Variants in CDH13 observed in about 807,000 individuals in gnomAD.
CDH13 encodes the protein cadherin-13.
A neutral mutation model predicts 63.8 loss-of-function variants in CDH13; 24 were observed. That is an observed-to-expected ratio of 0.38 (90% CI 0.27 to 0.53). The LOEUF (loss-of-function observed/expected upper bound fraction) is 0.53, where lower values mean the gene tolerates loss of function less well. CDH13 is among the 20% of genes least tolerant of loss of function. CDH13 has a pLI of 0.85. For missense variants in CDH13, 1,049 were observed against 903.1 expected (o/e 1.16, Z -2.07); for synonymous variants, 503 against 355.3 (o/e 1.42, Z -4.67).
In CDH13 at chr16:83,510,412, G is replaced by A. The variant is rs566156287; in HGVS notation, c.960+23757G>A. 5.3e-5 allele frequency among the ~76,000 whole-genome samples: 8 copies of A among 152,310 alleles called. No homozygotes were observed. The Middle Eastern group carries it at 0.01, about 194-fold the overall frequency. On this transcript the variant is annotated intron_variant, in intron 7 of 13. Coordinates refer to ENST00000567109, the MANE Select transcript of CDH13 (RefSeq NM_001257.5). ...TCCTTCTGCAGCCCACAAAATGATA[G>A]AGATAGGTGGACTACGTCTAATGGA...
intron 6 of CDH13, among the ~76,000 whole-genome samples, chr16:83,476,352 A>G (rs544049881): frequency 6.6e-6 from 1 of 152,320 alleles, no homozygotes; most frequent in African/African-American, 2.4e-5. Flanking sequence ...CCACTGCTGT[A>G]AAAAGGACTA....
At chr16:83,331,313 T>C (rs560986234) in intron 5 of CDH13, among the ~76,000 whole-genome samples, 11 of 152,332 alleles carry the variant, frequency 7.2e-5, no homozygotes, top group South Asian at 2.1e-4. Context: ...TCAGGTGCAT[T>C]GAGACTCTTT....
intron 1 of CDH13, among the ~76,000 whole-genome samples, chr16:82,782,934 A>C (rs553982945): frequency 1.3e-5 from 2 of 152,126 alleles, no homozygotes; most frequent in African/African-American, 4.8e-5. Flanking sequence ...ACTAGGGGCA[A>C]CTCTACTTCC....
chr16:83,232,757 G>T (rs887260251), intron 5 of CDH13, among the ~76,000 whole-genome samples: 2 of 141,718 alleles, frequency 1.4e-5, no homozygotes, highest in African/African-American at 5.4e-5. Context: ...TTTTATAAAT[G>T]ACCCACTCTC....
At chr16:83,201,030 A>T (rs2039014385) in intron 4 of CDH13, among the ~76,000 whole-genome samples, 1 of 151,204 alleles carries the variant, frequency 6.6e-6, no homozygotes, top group Non-Finnish European at 1.5e-5. Context: ...AGGATACCAG[A>T]ATATCTCTTG....
intron 2 of CDH13, among the ~76,000 whole-genome samples, chr16:82,891,008 A>C (rs888816907): frequency 6.6e-6 from 1 of 151,420 alleles, no homozygotes; most frequent in Non-Finnish European, 1.5e-5. Flanking sequence ...GAAAGGCTAA[A>C]AGACTAGGAC....
In CDH13 at chr16:82,920,289, C is replaced by T. The variant is rs1484434681; in HGVS notation, c.157+61816C>T. Among the ~76,000 whole-genome samples the T allele has an allele frequency of 3.9e-5, 6 of 152,152 alleles. No individual in the cohort carries two copies. In the East Asian group the frequency reaches 1.2e-3, roughly 29 times the overall value. On this transcript the variant is annotated intron_variant, in intron 2 of 13. Coordinates refer to ENST00000567109, the MANE Select transcript of CDH13 (RefSeq NM_001257.5). ...ATGTTTTTATTTTCCCATAAGTTCT[C>T]CCCTCATAATGCAAAGGTAGTTGCC...
intron 1 of CDH13, among the ~76,000 whole-genome samples, chr16:82,759,925 C>A (rs928042353): frequency 1.3e-5 from 2 of 152,048 alleles, no homozygotes; most frequent in Non-Finnish European, 2.9e-5. Flanking sequence ...AAAGGGAAAG[C>A]CTTATATTTA....
intron 1 of CDH13, among the ~76,000 whole-genome samples, chr16:82,810,340 C>G (rs1310435064): frequency 6.6e-6 from 1 of 152,114 alleles, no homozygotes; most frequent in Non-Finnish European, 1.5e-5. Context: ...GCCTGCCGAA[C>G]AGAAGGAGGA....
chr16:83,774,876 C>A (rs1177730988), intron 11 of CDH13, among the ~76,000 whole-genome samples: 1 of 152,058 alleles, frequency 6.6e-6, no homozygotes, highest in Non-Finnish European at 1.5e-5. Flanking sequence ...GTTCCCACAA[C>A]AATTTGAATG....
intron 7 of CDH13, among the ~76,000 whole-genome samples, chr16:83,591,145 A>G (rs548338757): frequency 6.6e-6 from 1 of 151,814 alleles, no homozygotes; most frequent in South Asian, 2.1e-4. Flanking sequence ...TCCTGACTTC[A>G]TGATCCACCT....
chr16:82,940,970 A>C (rs1232709520), intron 2 of CDH13, among the ~76,000 whole-genome samples: 1 of 152,136 alleles, frequency 6.6e-6, no homozygotes, highest in African/African-American at 2.4e-5. Flanking sequence ...CTCATCCCCA[A>C]ATGGAGAAGG....
chr16:82,853,157 C>G (rs548667218), intron 1 of CDH13, among the ~76,000 whole-genome samples: 2 of 152,100 alleles, frequency 1.3e-5, no homozygotes, highest in Non-Finnish European at 2.9e-5. Flanking sequence ...TGCTTGGTGT[C>G]CTACAGAGGT....
At chr16:82,906,663 C>G (rs1355626835) in intron 2 of CDH13, among the ~76,000 whole-genome samples, 2 of 152,168 alleles carry the variant, frequency 1.3e-5, no homozygotes, top group Non-Finnish European at 2.9e-5. Flanking sequence ...CTTAAAACAA[C>G]AGAAATGTGT....
chr16:82,818,780 C>T (rs144808085), intron 1 of CDH13, among the ~76,000 whole-genome samples: 271 of 152,282 alleles, frequency 1.8e-3, no homozygotes, highest in African/African-American at 2.8e-3. Context: ...TCTGTAAAGG[C>T]CTTTCTCTCT....
At chr16:83,352,354 A>G (rs963861881) in intron 6 of CDH13, among the ~76,000 whole-genome samples, 1 of 152,244 alleles carries the variant, frequency 6.6e-6, no homozygotes, top group Admixed American at 6.5e-5. Context: ...GCGAATGCTT[A>G]TACATTGTTA....
chr16:83,444,569 C>A (rs954893813), intron 6 of CDH13, among the ~76,000 whole-genome samples: 1 of 152,116 alleles, frequency 6.6e-6, no homozygotes, highest in Admixed American at 6.5e-5. Flanking sequence ...CACTGAGCAC[C>A]AGAACCATGT....
At chr16:82,932,089 G>T (rs931733930) in intron 2 of CDH13, among the ~76,000 whole-genome samples, 3 of 152,148 alleles carry the variant, frequency 2.0e-5, no homozygotes, top group Non-Finnish European at 2.9e-5. Context: ...GCTTAGGACA[G>T]TTGTGGATTT....
chr16:83,248,847 G>A (rs1408345032), intron 5 of CDH13, among the ~76,000 whole-genome samples: 5 of 152,142 alleles, frequency 3.3e-5, no homozygotes, highest in African/African-American at 1.2e-4. Context: ...GGAATTTAGT[G>A]TAGGCAATTG....
Sources: allele counts gnomAD v4.1 joint callset (sites outside exome capture counted in the v4.1 genomes callset), GRCh38; gene constraint gnomAD v4.1.1; transcripts MANE v1.5; gene names NCBI Gene and HGNC (gene_info 2026-07-23, HGNC 2026-07-21).